Variants in PDE7B observed in about 807,000 individuals in gnomAD.
PDE7B encodes the protein 3',5'-cyclic-AMP phosphodiesterase 7B.
Under a neutral mutation model 56.2 loss-of-function variants are expected in PDE7B, and 29 were observed. The ratio of observed to expected loss-of-function variants is 0.52; its 90% CI spans 0.38 to 0.70. The LOEUF (loss-of-function observed/expected upper bound fraction) is 0.70. Ranked by LOEUF, PDE7B falls within the 30% of genes least tolerant of loss-of-function variation. PDE7B has a pLI of 0.00. For missense variants in PDE7B, 490 were observed against 565.0 expected (o/e 0.87, Z 1.35); for synonymous variants, 197 against 196.9 (o/e 1.00, Z 0.00).
At chr6:136,127,296 T>G (rs1203038324) in intron 3 of PDE7B, among the ~76,000 whole-genome samples, 2 of 152,066 alleles carry the variant, frequency 1.3e-5, no homozygotes, top group African/African-American at 4.8e-5. Context: ...CCCCCCAACA[T>G]TTCCCCAATG....
chr6:135,911,703 T>C lies in PDE7B; in HGVS notation c.22-35761T>C, dbSNP rs867789894. On this transcript the variant is annotated intron_variant, in intron 1 of 12. Transcript: ENST00000308191. ...GAACCTATGCAGAAAACCACAAAAGTCCAAATCTGCACTATCCAATATGGT... is the reference window on the plus strand; with the variant it reads ...GAACCTATGCAGAAAACCACAAAAGCCCAAATCTGCACTATCCAATATGGT... Among the ~76,000 whole-genome samples the C allele has an allele frequency of 4.7e-4, 72 of 152,270 alleles. 1 individual carries two copies. Among genetic ancestry groups the C allele is most frequent in the South Asian group, 1.4e-3 (7 of 4,828 alleles).
intron 2 of PDE7B, among the ~76,000 whole-genome samples, chr6:136,082,019 T>A (rs1422527841): frequency 6.6e-6 from 1 of 152,154 alleles, no homozygotes; most frequent in Non-Finnish European, 1.5e-5. Flanking sequence ...TGAATTTGCC[T>A]TTCTATTAGT....
intron 2 of PDE7B, chr6:136,094,315 C>T (rs530529593): frequency 1.2e-4 from 18 of 152,584 alleles, no homozygotes; most frequent in African/African-American, 3.1e-4. Flanking sequence ...ACCTTCTTCA[C>T]ACTTGTTAAC....
chr6:135,928,459 ATATATTTATT>A (rs1309656326), intron 1 of PDE7B, among the ~76,000 whole-genome samples: 2 of 98,444 alleles, frequency 2.0e-5, no homozygotes, highest in Admixed American at 1.3e-4. Context: ...TTATTTATAT[ATATATTTATT>A]TATATATATA....
intron 1 of PDE7B, among the ~76,000 whole-genome samples, chr6:135,894,639 G>A (rs973077580): frequency 6.6e-6 from 1 of 152,154 alleles, no homozygotes; most frequent in African/African-American, 2.4e-5. Flanking sequence ...ATGCCAAATT[G>A]CATTATTCCA....
At chr6:136,021,382 C>T (rs995137960) in intron 2 of PDE7B, among the ~76,000 whole-genome samples, 6 of 152,172 alleles carry the variant, frequency 3.9e-5, no homozygotes, top group Admixed American at 6.5e-5. Flanking sequence ...CAGTGGCTCA[C>T]GCCTGTAATC....
At chr6:135,982,302 A>G (rs1179987134) in intron 2 of PDE7B, among the ~76,000 whole-genome samples, 1 of 152,184 alleles carries the variant, frequency 6.6e-6, no homozygotes, top group Non-Finnish European at 1.5e-5. Context: ...AAGTAAGAAC[A>G]AGAGCCTGTT....
intron 2 of PDE7B, among the ~76,000 whole-genome samples, chr6:136,004,157 T>A (rs1490940383): frequency 6.6e-6 from 1 of 152,180 alleles, no homozygotes; most frequent in South Asian, 2.1e-4. Flanking sequence ...CAACAACCCT[T>A]CATGCTAAAA....
In PDE7B at chr6:136,052,820, C is replaced by T. The variant is rs118187672; in HGVS notation, c.83-55911C>T. ...CACATTGGTAAGGTGCTCTAACTAA[C>T]TCATAGGTGGATCCTGAGTCTTCTA... is the stretch of plus-strand genomic sequence containing the variant. On this transcript the variant is annotated intron_variant, in intron 2 of 12. Coordinates refer to ENST00000308191, the MANE Select transcript of PDE7B (RefSeq NM_018945.4). Among the ~76,000 whole-genome samples the T allele has an allele frequency of 3.3e-4, 51 of 152,278 alleles. No individual in the cohort carries two copies. In the East Asian group the frequency reaches 6.0e-3, roughly 18 times the overall value.
intron 8 of PDE7B, 140 bp from the exon 9 acceptor site, chr6:136,173,657 G>GT (rs113294308): frequency 0.011 from 6,539 of 609,144 alleles, 190 homozygotes; most frequent in African/African-American, 0.091. Flanking sequence ...TATCTTTTGG[G>GT]TTTTTTTTTC....
intron 1 of PDE7B, among the ~76,000 whole-genome samples, chr6:135,912,534 G>C (rs1227861686): frequency 6.6e-6 from 1 of 152,042 alleles, no homozygotes; most frequent in African/African-American, 2.4e-5. Context: ...GATACCAAGG[G>C]ACTATATTTC....
intron 3 of PDE7B, among the ~76,000 whole-genome samples, chr6:136,119,871 G>C (rs1232006487): frequency 1.3e-5 from 2 of 152,142 alleles, no homozygotes; most frequent in African/African-American, 4.8e-5. Context: ...TTTACCACTT[G>C]CAAAAAGAGA....
At chr6:136,107,048 T>C (rs1414940160) in intron 2 of PDE7B, among the ~76,000 whole-genome samples, 4 of 152,194 alleles carry the variant, frequency 2.6e-5, no homozygotes, top group Non-Finnish European at 5.9e-5. Context: ...AAGGCACCAA[T>C]GTAAAATTCA....
At chr6:135,901,576 CA>C (rs1420913792) in intron 1 of PDE7B, among the ~76,000 whole-genome samples, 2 of 152,044 alleles carry the variant, frequency 1.3e-5, no homozygotes, top group Non-Finnish European at 2.9e-5. Flanking sequence ...GGTAGCCTCT[CA>C]GCGATTGGAA....
intron 8 of PDE7B, among the ~76,000 whole-genome samples, chr6:136,173,179 G>A (rs917131923): frequency 2.6e-5 from 4 of 152,134 alleles, no homozygotes; most frequent in African/African-American, 7.2e-5. Context: ...GAACCAAAAA[G>A]AGCCCGCATT....
intron 2 of PDE7B, among the ~76,000 whole-genome samples, chr6:136,053,874 T>C (rs1776680024): frequency 1.3e-5 from 2 of 152,226 alleles, no homozygotes; most frequent in African/African-American, 2.4e-5. Context: ...GAAGTGTCTG[T>C]TCATATCCTT....
intron 1 of PDE7B, among the ~76,000 whole-genome samples, chr6:135,908,600 A>G (rs1776157916): frequency 6.6e-6 from 1 of 152,232 alleles, no homozygotes; most frequent in Admixed American, 6.5e-5. Context: ...AGGGGAAAGG[A>G]TAAGTACATT....
At chr6:136,102,812 A>T (rs1490847093) in intron 2 of PDE7B, among the ~76,000 whole-genome samples, 2 of 152,190 alleles carry the variant, frequency 1.3e-5, no homozygotes, top group African/African-American at 4.8e-5. Flanking sequence ...TAGAAAACAA[A>T]CACACTACTA....
chr6:136,171,794 G>A (rs574670646), intron 8 of PDE7B, among the ~76,000 whole-genome samples: 2 of 95,780 alleles, frequency 2.1e-5, no homozygotes, highest in Admixed American at 1.6e-4. Context: ...CCCCTCCCCC[G>A]ACCCCACAAC....
Sources: allele counts gnomAD v4.1 joint callset (sites outside exome capture counted in the v4.1 genomes callset), GRCh38; gene constraint gnomAD v4.1.1; transcripts MANE v1.5; gene names NCBI Gene and HGNC (gene_info 2026-07-23, HGNC 2026-07-21).